The following NRXN1 variants were observed in gnomAD, a reference collection of about 807,000 sequenced individuals.
NRXN1 encodes neurexin 1, also known as neurexin-1.
Under a neutral mutation model 150.9 loss-of-function variants are expected in NRXN1, and 39 were observed. That is an observed-to-expected ratio of 0.26 (90% CI 0.20 to 0.34). The LOEUF is 0.34. Ranked by LOEUF, NRXN1 falls within the 10% of genes least tolerant of loss-of-function variation. NRXN1 has a pLI of 1.00. For missense variants in NRXN1, 1,815 were observed against 1,949.9 expected, an observed-to-expected ratio of 0.93 and a Z score of 1.30; for synonymous variants, 924 against 757.0, an observed-to-expected ratio of 1.22 and a Z score of -3.62.
chr2:50,995,321 A>T (rs1053266780), intron 2 of NRXN1, among the ~76,000 whole-genome samples: 1 of 151,896 alleles, frequency 6.6e-6, no homozygotes, highest in African/African-American at 2.4e-5. Context: ...CAGAGGACCA[A>T]ACGCAGTGGC....
intron 5 of NRXN1, among the ~76,000 whole-genome samples, chr2:50,871,781 T>A (rs995325821): frequency 6.6e-5 from 10 of 151,844 alleles, no homozygotes; most frequent in South Asian, 2.1e-4. Flanking sequence ...AAAATTCACT[T>A]AGTTTAAGCA....
intron 9 of NRXN1, among the ~76,000 whole-genome samples, chr2:50,540,109 C>T (rs900890870): frequency 1.3e-4 from 20 of 151,832 alleles, no homozygotes; most frequent in Admixed American, 3.9e-4. Context: ...CTCAGGTGGC[C>T]GAGTCATTAA....
intron 19 of NRXN1, among the ~76,000 whole-genome samples, chr2:50,069,551 C>T (rs1363320091): frequency 6.6e-6 from 1 of 152,144 alleles, no homozygotes; most frequent in Non-Finnish European, 1.5e-5. Context: ...TTGACATGTT[C>T]TTTTCTTCAT....
At chr2:50,220,673 C>A (rs748573636) in intron 18 of NRXN1, among the ~76,000 whole-genome samples, 1 of 152,010 alleles carries the variant, frequency 6.6e-6, no homozygotes. Flanking sequence ...ATCAGTTCCA[C>A]GTCTTTTTGT....
chr2:50,044,114 A>G (rs1691439732), intron 21 of NRXN1, among the ~76,000 whole-genome samples: 1 of 152,240 alleles, frequency 6.6e-6, no homozygotes, highest in Admixed American at 6.5e-5. Context: ...ACTCTCAAAG[A>G]ATGTGGCAAA....
At chr2:50,291,222 A>T (rs1455927367) in intron 17 of NRXN1, among the ~76,000 whole-genome samples, 1 of 151,024 alleles carries the variant, frequency 6.6e-6, no homozygotes, top group East Asian at 1.9e-4. Flanking sequence ...GGAACTGAAC[A>T]GTTTCAACAA....
intron 2 of NRXN1, among the ~76,000 whole-genome samples, chr2:51,012,540 T>C (rs1668046313): frequency 6.6e-6 from 1 of 152,056 alleles, no homozygotes; most frequent in African/African-American, 2.4e-5. Context: ...ATAGTGAGTT[T>C]TATTCGTATT....
chr2:50,666,878 G>GTGTGTGTGTGTGT lies in NRXN1; in HGVS notation c.833-43264_833-43263insACACACACACACA, dbSNP rs1559097612. 3.9e-5 allele frequency among the ~76,000 whole-genome samples: 5 copies of GTGTGTGTGTGTGT among 128,856 alleles called. No homozygotes were observed. In the South Asian group the frequency reaches 1.1e-3, roughly 28 times the overall value. 84.5% of individuals were successfully genotyped at this position (128,856 alleles called of 152,430 possible). Reference sequence around the variant, plus strand: ...TGATGATGATGATGATGATGATGATGATGTGTGTGTGTGTGTGTGTGTGTG... The same window carrying GTGTGTGTGTGTGT: ...TGATGATGATGATGATGATGATGATGTGTGTGTGTGTGTATGTGTGTGTGTGTGTGTGTGTGTG... On this transcript the variant is annotated intron_variant, in intron 5 of 22. Coordinates refer to ENST00000401669, the MANE Select transcript of NRXN1 (RefSeq NM_001330078.2).
At chr2:49,962,896 T>G (rs1217538129) in intron 21 of NRXN1, among the ~76,000 whole-genome samples, 4 of 151,980 alleles carry the variant, frequency 2.6e-5, no homozygotes, top group Non-Finnish European at 5.9e-5. Context: ...GAGACAGCAG[T>G]GAGCTATGAT....
intron 17 of NRXN1, among the ~76,000 whole-genome samples, chr2:50,299,709 A>C (rs1223634571): frequency 5.3e-5 from 8 of 152,194 alleles, no homozygotes; most frequent in Non-Finnish European, 1.5e-5. Context: ...AATGTAGTTA[A>C]TCTGTATATC....
At chr2:50,764,718 G>A (rs2105407608) in intron 5 of NRXN1, among the ~76,000 whole-genome samples, 1 of 151,982 alleles carries the variant, frequency 6.6e-6, no homozygotes, top group African/African-American at 2.4e-5. Flanking sequence ...TGTCTCCAAA[G>A]GTGCTTCAGA....
chr2:50,376,910 T>C (rs1037280113), intron 17 of NRXN1, among the ~76,000 whole-genome samples: 1 of 152,106 alleles, frequency 6.6e-6, no homozygotes, highest in Non-Finnish European at 1.5e-5. Context: ...ACATCACCGC[T>C]CTGCGCTTCT....
chr2:50,549,394 G>A (rs369143343), intron 9 of NRXN1, among the ~76,000 whole-genome samples: 3 of 152,118 alleles, frequency 2.0e-5, no homozygotes, highest in South Asian at 2.1e-4. Flanking sequence ...TTTAATAAAG[G>A]ACAGAACTTG....
At chr2:50,837,401 A>G (rs1035497098) in intron 5 of NRXN1, among the ~76,000 whole-genome samples, 2 of 152,158 alleles carry the variant, frequency 1.3e-5, no homozygotes, top group Admixed American at 6.6e-5. Context: ...GGGTCAGATG[A>G]GAATGGGTTA....
chr2:50,374,294 A>AAAATAAATAAAT lies in NRXN1; in HGVS notation c.3364+91136_3364+91147dup, dbSNP rs71404951. The stretch of plus-strand genomic sequence containing the variant: ...GGACAGAGTGAGACTCTGTCTCAAG[A>AAAATAAATAAAT]AAATAAATAAATAAATAAATAAATA... On this transcript the variant is annotated intron_variant, in intron 17 of 22. Coordinates refer to ENST00000401669, the MANE Select transcript of NRXN1 (RefSeq NM_001330078.2). Among the ~76,000 whole-genome samples, 646 of 136,570 alleles carry AAAATAAATAAAT rather than the reference A, an allele frequency of 4.7e-3. 6 individuals carry two copies. The highest frequency in any genetic ancestry group is 0.012 in the East Asian group (52 of 4,466). 89.6% of individuals were successfully genotyped at this position (136,570 alleles called of 152,430 possible). A position where few individuals can be genotyped will look rare whatever the true frequency, so the allele number is the denominator to read the frequency against.
At chr2:50,545,376 T>G (rs1402807944) in intron 9 of NRXN1, among the ~76,000 whole-genome samples, 1 of 152,160 alleles carries the variant, frequency 6.6e-6, no homozygotes, top group African/African-American at 2.4e-5. Context: ...TTGCAGAAGT[T>G]CCACAGATTT....
At chr2:50,857,974 C>T (rs1260466690) in intron 5 of NRXN1, among the ~76,000 whole-genome samples, 1 of 151,934 alleles carries the variant, frequency 6.6e-6, no homozygotes, top group Admixed American at 6.6e-5. Flanking sequence ...TTTACATGTG[C>T]TTTCAGGTGT....
At chr2:50,521,544 A>G (rs573966429) in intron 12 of NRXN1, among the ~76,000 whole-genome samples, 26 of 152,312 alleles carry the variant, frequency 1.7e-4, no homozygotes, top group South Asian at 6.2e-4. Context: ...AATAAGTAAA[A>G]GAAGTGGATA....
At chr2:50,830,486 GAA>G (rs370336755) in intron 5 of NRXN1, among the ~76,000 whole-genome samples, 4 of 138,646 alleles carry the variant, frequency 2.9e-5, no homozygotes, top group Non-Finnish European at 4.7e-5. Context: ...GTTTTTAAAT[GAA>G]AAAAAAAAAA....
Sources: allele counts gnomAD v4.1 joint callset (sites outside exome capture counted in the v4.1 genomes callset), GRCh38; gene constraint gnomAD v4.1.1; transcripts MANE v1.5; gene names NCBI Gene and HGNC (gene_info 2026-07-23, HGNC 2026-07-21).